PCMTD2: variants seen among roughly 807,000 people sequenced by gnomAD.
PCMTD2 encodes protein-L-isoaspartate O-methyltransferase domain-containing protein 2.
Under a neutral mutation model 33.4 loss-of-function variants are expected in PCMTD2, and 16 were observed. That is an observed-to-expected ratio of 0.48 (90% CI 0.32 to 0.73). The LOEUF (loss-of-function observed/expected upper bound fraction) is 0.73, where lower values mean the gene tolerates loss of function less well. PCMTD2 is among the 30% of genes least tolerant of loss of function. The pLI is 0.03. For synonymous variants in PCMTD2, 161 were observed against 160.8 expected, an observed-to-expected ratio of 1.00 and a Z score of -0.01; for missense variants, 374 against 449.9, an observed-to-expected ratio of 0.83 and a Z score of 1.53.
rs751740649 is a variant in PCMTD2, at chr20:64,275,674, C to T, written c.*2074C>T. On this transcript the variant is annotated 3_prime_UTR_variant, in exon 6 of 6. Coordinates refer to ENST00000308824, the MANE Select transcript of PCMTD2 (RefSeq NM_018257.3). Reference sequence around the variant, plus strand: ...GTAAAGTTTCCTGCGCACCTTATACCAGAATTCAGTATAATACACTACTTT... The same window carrying T: ...GTAAAGTTTCCTGCGCACCTTATACTAGAATTCAGTATAATACACTACTTT... The T allele has an allele frequency of 5.9e-5, 9 of 152,186 alleles. No individual in the cohort carries two copies. In the South Asian group the frequency reaches 8.3e-4, roughly 14 times the overall value. The allele number at this position is 152,186 out of a possible 1,614,324, so 9.4% of individuals were successfully genotyped here.
At chr20:64,262,952 C>T (rs1475800817) in intron 2 of PCMTD2, 4 of 152,298 alleles carry the variant, frequency 2.6e-5, no homozygotes, top group Non-Finnish European at 5.9e-5. Context: ...CCCCCGGCCA[C>T]CCTGTGTCCT....
At chr20:64,258,898 G>C (rs1456524710) in intron 1 of PCMTD2, 1 of 152,208 alleles carries the variant, frequency 6.6e-6, no homozygotes, top group Non-Finnish European at 1.5e-5. Flanking sequence ...TATAAAATTG[G>C]AAAGGATATT....
intron 5 of PCMTD2, 127 bp from the exon 6 acceptor site, chr20:64,273,094 C>T: frequency 1.4e-6 from 1 of 722,292 alleles, no homozygotes; most frequent in African/African-American, 1.8e-5. Flanking sequence ...AGCATGCTCT[C>T]ATATTCTTGT....
chr20:64,264,910 A>G lies in PCMTD2; in HGVS notation c.411-348A>G, dbSNP rs570500530. Among the ~76,000 whole-genome samples the G allele has an allele frequency of 6.6e-5, 10 of 152,362 alleles. No individual in the cohort carries two copies. The South Asian group carries it at 2.1e-3, about 32-fold the overall frequency. On this transcript the variant is annotated intron_variant, in intron 3 of 5. Transcript: ENST00000308824. Reference sequence around the variant, plus strand: ...TAAAATTTTTAGAAACACCAAGTGCAGTTTCACCACCCCCACATCTCACTC... The same window carrying G: ...TAAAATTTTTAGAAACACCAAGTGCGGTTTCACCACCCCCACATCTCACTC...
At chr20:64,257,960 GT>G (rs984820409) in intron 1 of PCMTD2, among the ~76,000 whole-genome samples, 1 of 152,238 alleles carries the variant, frequency 6.6e-6, no homozygotes, top group Non-Finnish European at 1.5e-5. Context: ...AAAGGTGCTT[GT>G]TTTTACTAAA....
At chr20:64,259,000 T>G (rs967360921) in intron 1 of PCMTD2, 12 of 152,228 alleles carry the variant, frequency 7.9e-5, no homozygotes, top group African/African-American at 2.7e-4. Context: ...ATAGTTAGGC[T>G]CAGAGGTGAC....
chr20:64,266,722 A>T (rs1299085478), intron 4 of PCMTD2, among the ~76,000 whole-genome samples: 3 of 152,244 alleles, frequency 2.0e-5, no homozygotes, highest in Non-Finnish European at 4.4e-5. Flanking sequence ...GTGATATTAC[A>T]GATCTTTGTT....
intron 1 of PCMTD2, among the ~76,000 whole-genome samples, chr20:64,256,099 TC>T (rs1280349374): frequency 1.3e-5 from 2 of 152,124 alleles, no homozygotes; most frequent in Non-Finnish European, 2.9e-5. Context: ...CGTCGGTCTC[TC>T]CCGGTGCCCG....
At chr20:64,260,558 G>T (rs922835050) in intron 2 of PCMTD2, among the ~76,000 whole-genome samples, 26 of 152,124 alleles carry the variant, frequency 1.7e-4, no homozygotes, top group African/African-American at 6.0e-4. Context: ...GACAGCGGAG[G>T]ATAAAGACAG....
At chr20:64,269,568 C>T (rs1184162514) in intron 5 of PCMTD2, among the ~76,000 whole-genome samples, 1 of 152,170 alleles carries the variant, frequency 6.6e-6, no homozygotes, top group South Asian at 2.1e-4. Flanking sequence ...CTAGTAAATT[C>T]ATGTTGGTAA....
At chr20:64,261,018 G>GTAAT (rs1985392444) in intron 2 of PCMTD2, among the ~76,000 whole-genome samples, 1 of 152,104 alleles carries the variant, frequency 6.6e-6, no homozygotes, top group Non-Finnish European at 1.5e-5. Flanking sequence ...AATACTAAGA[G>GTAAT]TAATACCTGT....
At chr20:64,260,601 G>A (rs1011208966) in intron 2 of PCMTD2, among the ~76,000 whole-genome samples, 1 of 151,834 alleles carries the variant, frequency 6.6e-6, no homozygotes, top group African/African-American at 2.4e-5. Context: ...GTGATTTCTC[G>A]ATTTAATTTT....
At chr20:64,268,884 A>T (rs1241586255) in intron 5 of PCMTD2, among the ~76,000 whole-genome samples, 5 of 152,224 alleles carry the variant, frequency 3.3e-5, no homozygotes, top group African/African-American at 1.2e-4. Flanking sequence ...TTGAAATTTG[A>T]TAATGAGCAA....
At position 64,273,873 on chromosome 20, in the gene PCMTD2, T is replaced by C. The variant is rs1163660986; in HGVS notation, c.*273T>C. ...ATCTTCATAGAGAAAAAGAGAAGGCTGTTTCTTTTTCGGCTCTGACGAAAC... is the reference window on the plus strand; with the variant it reads ...ATCTTCATAGAGAAAAAGAGAAGGCCGTTTCTTTTTCGGCTCTGACGAAAC... On this transcript the variant is annotated 3_prime_UTR_variant, in exon 6 of 6. Transcript: ENST00000308824. 3.1e-6 allele frequency: 1 copy of C among 326,594 alleles called. No individual in the cohort carries two copies. The highest frequency in any genetic ancestry group is 5.6e-6 in the Non-Finnish European group (1 of 179,802). The allele number at this position is 326,594 out of a possible 1,614,324, so 20.2% of individuals were successfully genotyped here.
rs1200513111 is a variant in PCMTD2 at position 64,268,010 on chromosome 20, C to T, written c.706C>T (p.Pro236Ser). 5 of 1,607,496 alleles carry T rather than the reference C, an allele frequency of 3.1e-6. No individual in the cohort carries two copies. The highest frequency in any genetic ancestry group is 1.3e-5 in the African/African-American group (1 of 74,826). The change falls in exon 5 of 6, where the codon CCA (proline) becomes TCA (serine). Residue 236 changes from proline to serine, a missense_variant and splice_region_variant. Pro to Ser is a moderately conservative substitution (Grantham distance 74, BLOSUM62 -1). Coordinates refer to ENST00000308824, the MANE Select transcript of PCMTD2 (RefSeq NM_018257.3). The stretch of plus-strand genomic sequence containing the variant: ...AGGAAAATCAAGACTTGTCCAGTTA[C>T]GTAAGTATACCAATCTTTACTTATT... ...ESGKSRLVQL[P>S]PVAVRSLQDL...
chr20:64,266,977 T>C (rs1985686791), intron 4 of PCMTD2, among the ~76,000 whole-genome samples: 1 of 152,228 alleles, frequency 6.6e-6, no homozygotes, highest in African/African-American at 2.4e-5. Flanking sequence ...AGAATGTTTG[T>C]TGATATTTAC....
chr20:64,259,257 G>C (rs1985292212), intron 1 of PCMTD2, among the ~76,000 whole-genome samples: 1 of 152,142 alleles, frequency 6.6e-6, no homozygotes, highest in South Asian at 2.1e-4. Flanking sequence ...TCTAAAATTT[G>C]AACATCAAAA....
chr20:64,263,265 T>C (rs1269253323), intron 2 of PCMTD2, among the ~76,000 whole-genome samples: 1 of 152,042 alleles, frequency 6.6e-6, no homozygotes, highest in African/African-American at 2.4e-5. Context: ...AACTCTCAGG[T>C]AGGGTGTATT....
chr20:64,268,725 CA>C (rs71197474), intron 5 of PCMTD2, among the ~76,000 whole-genome samples: 27,569 of 136,638 alleles, frequency 0.2, 2,796 homozygotes, highest in South Asian at 0.38. Context: ...CATAGTCTTA[CA>C]AAAAAAAAAA....
Sources: gnomAD v4.1 joint callset for allele counts (sites outside exome capture counted in the v4.1 genomes callset) on GRCh38, gnomAD v4.1.1 for gene constraint, MANE v1.5 for transcripts, NCBI Gene and HGNC (gene_info 2026-07-23, HGNC 2026-07-21) for gene names.